LTV1: variants seen among roughly 807,000 people sequenced by gnomAD.
LTV1 encodes the protein LTV1 ribosome biogenesis factor.
LTV1 carries 39 observed loss-of-function variants against 59.9 expected under a neutral mutation model. The observed-to-expected ratio is 0.65, with a 90% CI of 0.50 to 0.85. The LOEUF is 0.85. LTV1 is among the 40% of genes least tolerant of loss of function. The pLI is 0.00. For missense variants in LTV1, 493 were observed against 549.1 expected (o/e 0.90, Z 1.02); for synonymous variants, 171 against 189.5 (o/e 0.90, Z 0.80).
intron 6 of LTV1, chr6:143,858,680 G>C (rs928573307): frequency 6.5e-6 from 1 of 153,426 alleles, no homozygotes; most frequent in African/African-American, 2.4e-5. Flanking sequence ...GGACCTTGAC[G>C]AAGCCGAGCG....
chr6:143,848,929 T>C (rs1582935422), intron 3 of LTV1, among the ~76,000 whole-genome samples: 1 of 152,198 alleles, frequency 6.6e-6, no homozygotes. Flanking sequence ...TTTTGCATTA[T>C]TACATGACTG....
chr6:143,860,505 A>G lies in LTV1; in HGVS notation c.875A>G (p.Asn292Ser), dbSNP rs1388149500. ...ELEGSIQVDS[N>S]RLQEVLNDYY... Reference sequence around the variant, plus strand: ...GAAGGTTCTATTCAAGTGGACAGCAATCGCTTACAGGAAGTTTTGAATGAC... The same window carrying G: ...GAAGGTTCTATTCAAGTGGACAGCAGTCGCTTACAGGAAGTTTTGAATGAC... The change falls in exon 7 of 11, where the codon AAT becomes AGT. Residue 292 changes from asparagine (N) to serine (S), a missense_variant. Physicochemically the swap from Asn to Ser is conservative, Grantham distance 46 (BLOSUM62 1). Coordinates refer to ENST00000367576, the MANE Select transcript of LTV1 (RefSeq NM_032860.5). 14 of 1,613,644 alleles carry G rather than the reference A, an allele frequency of 8.7e-6. No homozygotes were observed. Among genetic ancestry groups the G allele is most frequent in the African/African-American group, 2.7e-5 (2 of 74,906 alleles).
At chr6:143,844,660 AG>A in intron 2 of LTV1, 43 bp downstream of exon 2, 2 of 1,533,240 alleles carry the variant, frequency 1.3e-6, no homozygotes, top group Non-Finnish European at 1.8e-6. Flanking sequence ...GGTAGACAAT[AG>A]TTTTTTTTTT....
Position 143,857,832 on chromosome 6 carries a change from C to A in LTV1, c.620C>A (p.Ala207Glu), listed in dbSNP as rs1777103438. The A allele has an allele frequency of 1.2e-6, 2 of 1,614,010 alleles. No individual in the cohort carries two copies. The highest frequency in any genetic ancestry group is 1.7e-6 in the Non-Finnish European group (2 of 1,179,934). Residue 207 changes from alanine to glutamate, a missense_variant, in exon 6 of 11, where the codon GCA becomes GAA. Ala to Glu is a moderately radical substitution (Grantham distance 107). Coordinates refer to ENST00000367576, the MANE Select transcript of LTV1 (RefSeq NM_032860.5). This position sits in a 1 kb window ranked among gnomAD's most constrained non-coding sequence, Gnocchi z 5.2. ...KGDSNDDYDSAGLLSDEDCMS... is the reference protein window; with the variant it reads ...KGDSNDDYDSEGLLSDEDCMS... ...GATAGCAATGATGACTATGACTCTG[C>A]AGGCCTATTGTCAGATGAAGACTGT...
In LTV1 at chr6:143,863,444, A is replaced by T; in HGVS notation, c.1345A>T (p.Lys449Ter). 6.2e-7 allele frequency: 1 copy of T among 1,613,854 alleles called. No individual in the cohort carries two copies. Among genetic ancestry groups the T allele is most frequent in the Non-Finnish European group, 8.5e-7 (1 of 1,179,828 alleles). The change falls in exon 11 of 11, where the codon AAA becomes TAA. Residue 449 changes from lysine (K) to a stop codon, truncating the protein, a stop_gained. Coordinates refer to ENST00000367576, the MANE Select transcript of LTV1 (RefSeq NM_032860.5). LOFTEE classifies it high-confidence loss of function. The surrounding 1 kb of genome is among the most constrained non-coding windows in gnomAD (Gnocchi z 4.5). Reference sequence around the variant, plus strand: ...ACGAAGAGTGGAGAAGAAAGCTAACAAATTAGCATTTAAACTGGAGAAAAG... The same window carrying T: ...ACGAAGAGTGGAGAAGAAAGCTAACTAATTAGCATTTAAACTGGAGAAAAG... ...KERRVEKKAN[K>*]LAFKLEKRRQ...
chr6:143,863,429 G>C lies in LTV1; in HGVS notation c.1330G>C (p.Glu444Gln), dbSNP rs766652128. The C allele has an allele frequency of 1.1e-5, 17 of 1,613,338 alleles. No individual in the cohort carries two copies. Among genetic ancestry groups the C allele is most frequent in the Non-Finnish European group, 1.4e-5 (17 of 1,179,438 alleles). The change falls in exon 11 of 11, where the codon GAG becomes CAG. Residue 444 changes from glutamate (E) to glutamine (Q), a missense_variant. Glu to Gln is a conservative substitution (Grantham distance 29, BLOSUM62 2). Coordinates refer to ENST00000367576, the MANE Select transcript of LTV1 (RefSeq NM_032860.5). This position sits in a 1 kb window ranked among gnomAD's most constrained non-coding sequence, Gnocchi z 4.5. The stretch of plus-strand genomic sequence containing the variant: ...GTACTTATAACAGGAACGAAGAGTG[G>C]AGAAGAAAGCTAACAAATTAGCATT... ...IKEERKERRVEKKANKLAFKL... is the reference protein window; with the variant it reads ...IKEERKERRVQKKANKLAFKL...
At position 143,856,527 on chromosome 6, in the gene LTV1, G is replaced by C. The variant is rs540876079; in HGVS notation, c.398-776G>C. Among the ~76,000 whole-genome samples the C allele has an allele frequency of 3.5e-4, 53 of 152,300 alleles. 1 individual carries two copies. Among genetic ancestry groups the C allele is most frequent in the African/African-American group, 1.3e-3 (52 of 41,570 alleles). ...AAGAGAAGAGGCATTCTGGTTTTTG[G>C]AAATTTCAGCCTTTTTGTGCTGGTT... On this transcript the variant is annotated intron_variant, in intron 4 of 10. Transcript: ENST00000367576.
chr6:143,853,297 T>C (rs886693314), intron 4 of LTV1, among the ~76,000 whole-genome samples: 1 of 152,218 alleles, frequency 6.6e-6, no homozygotes, highest in Non-Finnish European at 1.5e-5. Flanking sequence ...GGAATGCTTG[T>C]GATTTTTGCA....
At chr6:143,849,850 G>A (rs1366681488) in intron 3 of LTV1, among the ~76,000 whole-genome samples, 2 of 152,108 alleles carry the variant, frequency 1.3e-5, no homozygotes, top group African/African-American at 4.8e-5. Flanking sequence ...GAAGGTTACC[G>A]GTGATCATTC....
At position 143,843,430 on chromosome 6, in the gene LTV1, G is replaced by C. The variant is rs1368822529; in HGVS notation, c.-48G>C. 5 of 1,611,920 alleles carry C rather than the reference G, an allele frequency of 3.1e-6. No individual in the cohort carries two copies. Among genetic ancestry groups the C allele is most frequent in the Non-Finnish European group, 4.2e-6 (5 of 1,179,870 alleles). ...CCTTGGTCTCCCCGCCGGACTTCGA[G>C]GGTGTCATCGCCGCCCCTGTTGGGG... On this transcript the variant is annotated 5_prime_UTR_variant, in exon 1 of 11. Coordinates refer to ENST00000367576, the MANE Select transcript of LTV1 (RefSeq NM_032860.5).
chr6:143,846,453 CT>C (rs1280087086), intron 3 of LTV1, among the ~76,000 whole-genome samples: 1 of 152,070 alleles, frequency 6.6e-6, no homozygotes, highest in Non-Finnish European at 1.5e-5. Flanking sequence ...AGGTTCAGAA[CT>C]TTTGATTGAT....
At chr6:143,846,495 A>C (rs1026899278) in intron 3 of LTV1, among the ~76,000 whole-genome samples, 3 of 152,202 alleles carry the variant, frequency 2.0e-5, no homozygotes, top group African/African-American at 7.2e-5. Context: ...GCACTTTTCA[A>C]TAGGAGAAAA....
intron 3 of LTV1, among the ~76,000 whole-genome samples, chr6:143,849,679 T>A (rs1485184800): frequency 6.6e-6 from 1 of 152,212 alleles, no homozygotes; most frequent in Non-Finnish European, 1.5e-5. Flanking sequence ...TTCCTAGGAC[T>A]GCAGTAACAA....
chr6:143,846,495 A>G (rs1026899278), intron 3 of LTV1, among the ~76,000 whole-genome samples: 1 of 152,202 alleles, frequency 6.6e-6, no homozygotes, highest in Non-Finnish European at 1.5e-5. Flanking sequence ...GCACTTTTCA[A>G]TAGGAGAAAA....
chr6:143,861,433 C>CA (rs1286965120), intron 7 of LTV1, among the ~76,000 whole-genome samples: 1,749 of 114,464 alleles, frequency 0.015, 24 homozygotes, highest in African/African-American at 0.041. Context: ...GACTCTGTCT[C>CA]AAAAAAAAAA....
chr6:143,856,296 GTTC>G (rs1490908082), intron 4 of LTV1, among the ~76,000 whole-genome samples: 3 of 152,136 alleles, frequency 2.0e-5, no homozygotes, highest in Non-Finnish European at 2.9e-5. Context: ...GGTCATTTAT[GTTC>G]TTCTCTAAAC....
chr6:143,853,728 A>G (rs1777025603), intron 4 of LTV1, among the ~76,000 whole-genome samples: 1 of 152,202 alleles, frequency 6.6e-6, no homozygotes, highest in Non-Finnish European at 1.5e-5. Context: ...TGAGATAATC[A>G]TGTGGTTTTT....
intron 4 of LTV1, among the ~76,000 whole-genome samples, chr6:143,852,329 G>A (rs1776997424): frequency 6.6e-6 from 1 of 152,226 alleles, no homozygotes; most frequent in African/African-American, 2.4e-5. Context: ...GACCAGTGAT[G>A]ATGAGCTTTT....
chr6:143,848,003 G>A (rs1776920678), intron 3 of LTV1, among the ~76,000 whole-genome samples: 1 of 152,224 alleles, frequency 6.6e-6, no homozygotes. Flanking sequence ...AAAGATGGTG[G>A]TGCTGTTGTG....
Sources: allele counts gnomAD v4.1 joint callset (sites outside exome capture counted in the v4.1 genomes callset), GRCh38; gene constraint gnomAD v4.1.1; non-coding constraint Gnocchi (gnomAD v3.1); transcripts MANE v1.5; gene names NCBI Gene and HGNC (gene_info 2026-07-23, HGNC 2026-07-21).